AIDA: variants seen among roughly 807,000 people sequenced by gnomAD.
AIDA encodes axin interactor, dorsalization-associated protein.
A neutral mutation model predicts 42.7 loss-of-function variants in AIDA; 18 were observed. The observed-to-expected ratio is 0.42, with a 90% CI of 0.29 to 0.63. AIDA has a LOEUF of 0.63. Ranked by LOEUF, AIDA falls within the 20% of genes least tolerant of loss-of-function variation. AIDA has a pLI of 0.19. For synonymous variants in AIDA, 104 were observed against 122.9 expected (o/e 0.85, Z 1.02); for missense variants, 250 against 354.1 (o/e 0.71, Z 2.36).
chr1:222,692,482 T>G (rs1282524576), intron 4 of AIDA, among the ~76,000 whole-genome samples: 1 of 152,170 alleles, frequency 6.6e-6, no homozygotes, highest in East Asian at 1.9e-4. Context: ...GTAGGCAAAA[T>G]GGGTAACTGT....
chr1:222,703,085 A>G (rs1173001040), intron 2 of AIDA, 63 bp downstream of exon 2: 1 of 1,344,940 alleles, frequency 7.4e-7, no homozygotes, highest in African/African-American at 1.5e-5. Flanking sequence ...TTGCTTAATG[A>G]ACTCAAAAGA....
intron 6 of AIDA, among the ~76,000 whole-genome samples, chr1:222,680,197 C>T (rs917914836): frequency 6.6e-6 from 1 of 152,112 alleles, no homozygotes; most frequent in Non-Finnish European, 1.5e-5. Context: ...GGTCTTTGAG[C>T]CTCATATGGC....
chr1:222,684,635 CTCTT>C (rs1664710226), intron 6 of AIDA, among the ~76,000 whole-genome samples: 1 of 152,140 alleles, frequency 6.6e-6, no homozygotes, highest in East Asian at 1.9e-4. Flanking sequence ...ACCATACATA[CTCTT>C]TCTTTTAGGG....
intron 8 of AIDA, among the ~76,000 whole-genome samples, chr1:222,671,666 C>A (rs1474455236): frequency 6.6e-6 from 1 of 152,174 alleles, no homozygotes; most frequent in East Asian, 1.9e-4. Flanking sequence ...ATTTGGCCAT[C>A]CACTCCCAAC....
At chr1:222,709,131 G>A (rs574674204) in intron 1 of AIDA, among the ~76,000 whole-genome samples, 3 of 152,082 alleles carry the variant, frequency 2.0e-5, no homozygotes, top group Admixed American at 6.6e-5. Flanking sequence ...AACAAATACA[G>A]AAAATGTATT....
chr1:222,677,938 T>C (rs1047411284), intron 6 of AIDA, among the ~76,000 whole-genome samples: 1 of 152,184 alleles, frequency 6.6e-6, no homozygotes, highest in Admixed American at 6.5e-5. Flanking sequence ...TTACACATTA[T>C]TGGAGGTGTA....
chr1:222,705,287 T>C lies in AIDA; in HGVS notation c.111-2070A>G, dbSNP rs1050396477. Reference sequence around the variant, plus strand: ...CAGGAGAAGGTACAAATAGAAACAATATAGCCATTGTCTTTGTTCTGTACT... The same window carrying C: ...CAGGAGAAGGTACAAATAGAAACAACATAGCCATTGTCTTTGTTCTGTACT... On this transcript the variant is annotated intron_variant, in intron 1 of 9. Coordinates refer to ENST00000340020, the MANE Select transcript of AIDA (RefSeq NM_022831.4). Among the ~76,000 whole-genome samples, 4 of 152,328 alleles carry C rather than the reference T, an allele frequency of 2.6e-5. No homozygotes were observed. The East Asian group carries it at 5.8e-4, about 22-fold the overall frequency.
chr1:222,710,730 T>G (rs1655982039), intron 1 of AIDA, among the ~76,000 whole-genome samples: 1 of 152,248 alleles, frequency 6.6e-6, no homozygotes, highest in African/African-American at 2.4e-5. Flanking sequence ...TTTTCTTTTT[T>G]AAATCCCAGA....
chr1:222,703,515 T>G (rs991093700), intron 1 of AIDA, among the ~76,000 whole-genome samples: 1 of 152,194 alleles, frequency 6.6e-6, no homozygotes, highest in African/African-American at 2.4e-5. Context: ...TTAGTATGCA[T>G]GACTTTCTTC....
intron 6 of AIDA, among the ~76,000 whole-genome samples, chr1:222,682,024 G>C (rs139416066): frequency 9.7e-4 from 147 of 152,320 alleles, no homozygotes; most frequent in African/African-American, 3.1e-3. Flanking sequence ...CTGGACAATG[G>C]AGATTACGGA....
chr1:222,707,350 G>A (rs1655870977), intron 1 of AIDA, among the ~76,000 whole-genome samples: 1 of 152,078 alleles, frequency 6.6e-6, no homozygotes, highest in Admixed American at 6.5e-5. Context: ...TAGAGACTGG[G>A]TTTTGCCATG....
chr1:222,670,281 C>A (rs529360922), intron 8 of AIDA, 31 bp from the exon 9 acceptor site: 1 of 1,531,792 alleles, frequency 6.5e-7, no homozygotes, highest in Non-Finnish European at 9.0e-7. Flanking sequence ...ACATAAACCA[C>A]AGATAGCACA....
intron 1 of AIDA, among the ~76,000 whole-genome samples, chr1:222,708,324 A>G (rs1411292587): frequency 6.6e-6 from 1 of 151,218 alleles, no homozygotes; most frequent in Non-Finnish European, 1.5e-5. Context: ...AAAAAATGAC[A>G]AGTGGCCATT....
chr1:222,705,808 C>T (rs969833710), intron 1 of AIDA, among the ~76,000 whole-genome samples: 2 of 151,892 alleles, frequency 1.3e-5, no homozygotes, highest in South Asian at 2.1e-4. Context: ...CGCTTGAACC[C>T]GGGAGGCAAA....
intron 4 of AIDA, among the ~76,000 whole-genome samples, chr1:222,693,499 T>C (rs1327615365): frequency 6.6e-6 from 1 of 152,192 alleles, no homozygotes; most frequent in Non-Finnish European, 1.5e-5. Context: ...CAATAGATGC[T>C]GCTGCAAATG....
intron 2 of AIDA, among the ~76,000 whole-genome samples, chr1:222,702,173 GCTT>G (rs1371696087): frequency 1.3e-5 from 2 of 152,070 alleles, no homozygotes; most frequent in Non-Finnish European, 2.9e-5. Flanking sequence ...ATCTTTAGGG[GCTT>G]CTTCTTCCCA....
At chr1:222,707,429 G>A (rs1207192016) in intron 1 of AIDA, among the ~76,000 whole-genome samples, 7 of 152,070 alleles carry the variant, frequency 4.6e-5, no homozygotes, top group Non-Finnish European at 1.5e-5. Flanking sequence ...AAAGTGCTGG[G>A]ATTACAGGCG....
intron 2 of AIDA, among the ~76,000 whole-genome samples, chr1:222,698,329 A>G (rs74145536): frequency 0.03 from 4,614 of 151,972 alleles, 224 homozygotes; most frequent in African/African-American, 0.1. Flanking sequence ...GAAAATGAAT[A>G]TAAGTTACTC....
chr1:222,696,240 G>A (rs1339027983), intron 2 of AIDA, among the ~76,000 whole-genome samples: 2 of 152,176 alleles, frequency 1.3e-5, no homozygotes, highest in African/African-American at 4.8e-5. Context: ...AACAACTGTT[G>A]CATAGAAACC....
Sources: gnomAD v4.1 joint callset for allele counts (sites outside exome capture counted in the v4.1 genomes callset) on GRCh38, gnomAD v4.1.1 for gene constraint, MANE v1.5 for transcripts, NCBI Gene and HGNC (gene_info 2026-07-23, HGNC 2026-07-21) for gene names.